Variants in XKR3 observed in about 807,000 individuals in gnomAD.
XKR3 encodes the protein XK related 3, also known as XK-related protein 3.
In XKR3, 27 loss-of-function variants were observed where a neutral mutation model predicts 40.3. That is an observed-to-expected ratio of 0.67 (90% CI 0.49 to 0.92). The LOEUF is 0.92. Ranked by LOEUF, XKR3 falls within the 40% of genes least tolerant of loss-of-function variation. The probability of loss-of-function intolerance (pLI) is 0.00; values close to 1 mark genes in which losing one functional copy is unlikely to be tolerated. For synonymous variants in XKR3, 193 were observed against 195.4 expected (o/e 0.99, Z 0.10); for missense variants, 472 against 537.6 (o/e 0.88, Z 1.21).
At chr22:16,810,929 A>G (rs1401924364) in intron 1 of XKR3, among the ~76,000 whole-genome samples, 1 of 152,196 alleles carries the variant, frequency 6.6e-6, no homozygotes, top group Admixed American at 6.5e-5. Context: ...ATGCACCTGC[A>G]TATACATGAA....
chr22:16,818,310 A>C (rs1473430292), intron 1 of XKR3, among the ~76,000 whole-genome samples: 1 of 152,162 alleles, frequency 6.6e-6, no homozygotes, highest in African/African-American at 2.4e-5. Context: ...ACATAATGAC[A>C]AGAAACAAAG....
At chr22:16,818,991 C>T (rs2146180415) in intron 1 of XKR3, among the ~76,000 whole-genome samples, 1 of 152,180 alleles carries the variant, frequency 6.6e-6, no homozygotes, top group African/African-American at 2.4e-5. Context: ...CTGCTATTTC[C>T]CTATGCTACA....
At chr22:16,793,089 C>G (rs1384113756) in intron 3 of XKR3, among the ~76,000 whole-genome samples, 2 of 152,002 alleles carry the variant, frequency 1.3e-5, no homozygotes, top group Non-Finnish European at 2.9e-5. Context: ...CTTGGCTCAC[C>G]GCAACCTCTG....
At position 16,784,289 on chromosome 22, in the gene XKR3, C is replaced by T; in HGVS notation, c.710G>A (p.Cys237Tyr). ...TIKLPPIEFF[C>Y]VVMWRFLEVI... Reference sequence around the variant, plus strand: ...CTCCAAAAAACGCCACATCACGACACAGAAGAATTCTATCGGCGGTAGCTT... The same window carrying T: ...CTCCAAAAAACGCCACATCACGACATAGAAGAATTCTATCGGCGGTAGCTT... Residue 237 changes from cysteine (C) to tyrosine (Y), a missense_variant, in exon 4 of 4, where the codon TGT becomes TAT. Cys to Tyr is a radical substitution (Grantham distance 194). Coordinates refer to ENST00000684488, the MANE Select transcript of XKR3 (RefSeq NM_001386955.1). The T allele has an allele frequency of 5.0e-6, 8 of 1,614,182 alleles. No homozygotes were observed. Among genetic ancestry groups the T allele is most frequent in the Non-Finnish European group, 6.8e-6 (8 of 1,180,026 alleles).
intron 3 of XKR3, among the ~76,000 whole-genome samples, chr22:16,785,034 G>A (rs1339237457): frequency 6.6e-6 from 1 of 152,138 alleles, no homozygotes; most frequent in Non-Finnish European, 1.5e-5. Context: ...AGAAGTATGT[G>A]TGGCCGGGCG....
chr22:16,814,815 A>C (rs2060226670), intron 1 of XKR3, among the ~76,000 whole-genome samples: 2 of 152,004 alleles, frequency 1.3e-5, no homozygotes, highest in Admixed American at 1.3e-4. Context: ...TGATCTTGTT[A>C]TCTGCAATTC....
At position 16,790,084 on chromosome 22, in the gene XKR3, T is replaced by A. The variant is rs1339657107; in HGVS notation, c.590-5675A>T. On this transcript the variant is annotated intron_variant, in intron 3 of 3. Transcript: ENST00000684488. Reference sequence around the variant, plus strand: ...AACCTAGGAGTGCAAGGCTGTAGCATGCCACACTCATGCCACTGCACTAAC... The same window carrying A: ...AACCTAGGAGTGCAAGGCTGTAGCAAGCCACACTCATGCCACTGCACTAAC... Among the ~76,000 whole-genome samples the A allele has an allele frequency of 2.3e-4, 35 of 152,244 alleles. No homozygotes were observed. In the East Asian group the frequency reaches 5.2e-3, roughly 23 times the overall value.
chr22:16,807,952 G>A lies in XKR3; in HGVS notation c.122C>T (p.Thr41Ile). Reference sequence around the variant, plus strand: ...GGCAACCTCACCACAGTAGAGAACAGTTGAGAAGATAATGCTAAAAGGAAA... The same window carrying A: ...GGCAACCTCACCACAGTAGAGAACAATTGAGAAGATAATGCTAAAAGGAAA... ...LSFPFSIIFS[T>I]VLYCGEVAFG... is the part of the protein sequence containing the mutation. Residue 41 changes from threonine to isoleucine, a missense_variant, in exon 2 of 4, where the codon ACT becomes ATT. Physicochemically the swap from Thr to Ile is moderately conservative, Grantham distance 89 (BLOSUM62 -1). Transcript: ENST00000684488. 6.2e-7 allele frequency: 1 copy of A among 1,614,006 alleles called. No individual in the cohort carries two copies. The highest frequency in any genetic ancestry group is 1.1e-5 in the South Asian group (1 of 91,076).
chr22:16,820,935 T>C (rs149538502), intron 1 of XKR3, among the ~76,000 whole-genome samples: 4 of 152,268 alleles, frequency 2.6e-5, no homozygotes, highest in Non-Finnish European at 4.4e-5. Flanking sequence ...TCTTTTGTGA[T>C]AGAATACCCT....
At chr22:16,815,507 C>T (rs2060229569) in intron 1 of XKR3, among the ~76,000 whole-genome samples, 2 of 151,874 alleles carry the variant, frequency 1.3e-5, no homozygotes, top group African/African-American at 4.8e-5. Flanking sequence ...TACCTTTAAC[C>T]ATAAAATCAG....
chr22:16,788,737 C>G (rs1198144940), intron 3 of XKR3, among the ~76,000 whole-genome samples: 1 of 151,974 alleles, frequency 6.6e-6, no homozygotes, highest in East Asian at 1.9e-4. Context: ...TGTAAAAATC[C>G]TCAACAGAAT....
intron 2 of XKR3, among the ~76,000 whole-genome samples, chr22:16,804,459 G>A (rs2060181773): frequency 6.6e-6 from 1 of 152,074 alleles, no homozygotes; most frequent in South Asian, 2.1e-4. Context: ...TCCTATGTGG[G>A]GGAAAATTTG....
chr22:16,795,506 G>A (rs1431597270), intron 3 of XKR3, among the ~76,000 whole-genome samples: 2 of 152,024 alleles, frequency 1.3e-5, no homozygotes, highest in African/African-American at 4.8e-5. Flanking sequence ...CTGGGAGGGA[G>A]GGGGAACCAA....
chr22:16,801,583 G>A (rs1271407500), intron 2 of XKR3, among the ~76,000 whole-genome samples: 2 of 151,882 alleles, frequency 1.3e-5, no homozygotes, highest in Non-Finnish European at 2.9e-5. Context: ...TTAAAATAAC[G>A]CAATGCGGGC....
intron 3 of XKR3, among the ~76,000 whole-genome samples, chr22:16,790,109 C>A (rs112745352): frequency 6.0e-4 from 92 of 152,210 alleles, no homozygotes; most frequent in African/African-American, 2.1e-3. Flanking sequence ...ACTGCACTAA[C>A]CCTAGGCAAT....
At chr22:16,824,597 C>G (rs541039061) in intron 1 of XKR3, among the ~76,000 whole-genome samples, 11 of 152,206 alleles carry the variant, frequency 7.2e-5, no homozygotes, top group African/African-American at 2.4e-4. Context: ...CATGGAAAGA[C>G]AACTGCAGAG....
intron 2 of XKR3, among the ~76,000 whole-genome samples, chr22:16,806,888 A>T (rs183153019): frequency 7.0e-4 from 106 of 152,338 alleles, no homozygotes; most frequent in African/African-American, 2.3e-3. Context: ...ACACACCAAA[A>T]AAAACCACTT....
At chr22:16,819,193 A>G (rs1205285331) in intron 1 of XKR3, among the ~76,000 whole-genome samples, 9 of 152,154 alleles carry the variant, frequency 5.9e-5, no homozygotes, top group African/African-American at 2.2e-4. Flanking sequence ...AAGACTCAAT[A>G]TGTTGTGTTA....
At chr22:16,811,153 G>A (rs1334185367) in intron 1 of XKR3, among the ~76,000 whole-genome samples, 1 of 139,282 alleles carries the variant, frequency 7.2e-6, no homozygotes, top group African/African-American at 2.7e-5. Flanking sequence ...AAGTAACAAA[G>A]TCTTGCTCTG....
Sources: allele counts gnomAD v4.1 joint callset (sites outside exome capture counted in the v4.1 genomes callset), GRCh38; gene constraint gnomAD v4.1.1; transcripts MANE v1.5; gene names NCBI Gene and HGNC (gene_info 2026-07-23, HGNC 2026-07-21).